The following PIK3C2G variants were observed in gnomAD, a reference collection of about 807,000 sequenced individuals.
PIK3C2G encodes the protein phosphatidylinositol-4-phosphate 3-kinase catalytic subunit type 2 gamma, also known as phosphatidylinositol 3-kinase C2 domain-containing subunit gamma.
A neutral mutation model predicts 181.1 loss-of-function variants in PIK3C2G; 168 were observed. The observed-to-expected ratio is 0.93, with a 90% CI of 0.82 to 1.05. The LOEUF is 1.05. Ranked by LOEUF, PIK3C2G falls within the 50% of genes least tolerant of loss-of-function variation. PIK3C2G has a pLI of 0.00. For synonymous variants in PIK3C2G, 573 were observed against 592.2 expected, an observed-to-expected ratio of 0.97 and a Z score of 0.47; for missense variants, 1,869 against 1,732.8, an observed-to-expected ratio of 1.08 and a Z score of -1.40.
rs183245589 is a variant in PIK3C2G, at chr12:18,282,217, G to A, written c.136G>A (p.Glu46Lys). ...VSLGFDQIVDEISGKIPHYES... is the reference protein window; with the variant it reads ...VSLGFDQIVDKISGKIPHYES... ...TCTGGGTTTTGATCAGATAGTAGAT[G>A]AGATCAGTGGCAAAATTCCACACTA... is the stretch of plus-strand genomic sequence containing the variant. Residue 46 changes from glutamate (E) to lysine (K), a missense_variant, in exon 2 of 33, where the codon GAG (glutamate) becomes AAG (lysine). Coordinates refer to ENST00000538779, the MANE Select transcript of PIK3C2G (RefSeq NM_001288772.2). 5.9e-4 allele frequency: 949 copies of A among 1,613,496 alleles called. 1 individual carries two copies. The highest frequency in any genetic ancestry group is 7.8e-4 in the Non-Finnish European group (923 of 1,179,666).
intron 25 of PIK3C2G, among the ~76,000 whole-genome samples, chr12:18,540,802 T>G (rs531867842): frequency 8.6e-5 from 13 of 151,918 alleles, no homozygotes; most frequent in Admixed American, 7.2e-4. Context: ...GAAATTGAAA[T>G]AGAGATCAGA....
chr12:18,623,463 G>A (rs1948955471), intron 31 of PIK3C2G, among the ~76,000 whole-genome samples: 1 of 151,796 alleles, frequency 6.6e-6, no homozygotes, highest in Non-Finnish European at 1.5e-5. Flanking sequence ...TTGAAATCAG[G>A]TAGTATGATG....
At chr12:18,284,587 GGTT>G in intron 2 of PIK3C2G, among the ~76,000 whole-genome samples, 1 of 152,076 alleles carries the variant, frequency 6.6e-6, no homozygotes, top group Non-Finnish European at 1.5e-5. Flanking sequence ...ACTTTAAATT[GGTT>G]ATTAAAAGTA....
intron 18 of PIK3C2G, among the ~76,000 whole-genome samples, chr12:18,440,058 A>G (rs1946658147): frequency 1.3e-5 from 2 of 152,090 alleles, no homozygotes; most frequent in South Asian, 4.1e-4. Context: ...TTTAAGCAAG[A>G]TACTTAATTT....
the PIK3C2G span, among the ~76,000 whole-genome samples, chr12:18,673,108 A>G: frequency 0.015 from 2,219 of 152,312 alleles, 58 homozygotes; most frequent in African/African-American, 0.052. Context: ...TCTAAAAATT[A>G]GTTCCAAAAG....
At chr12:18,352,939 C>G (rs1350176274) in intron 11 of PIK3C2G, among the ~76,000 whole-genome samples, 1 of 152,198 alleles carries the variant, frequency 6.6e-6, no homozygotes, top group Non-Finnish European at 1.5e-5. Context: ...TGCCACCCCT[C>G]TGCCAGTGGA....
At chr12:18,455,859 CACAA>C (rs751190121) in intron 18 of PIK3C2G, among the ~76,000 whole-genome samples, 1 of 152,156 alleles carries the variant, frequency 6.6e-6, no homozygotes, top group Non-Finnish European at 1.5e-5. Context: ...TTTGGAGGAA[CACAA>C]ACATTCAGTT....
chr12:18,664,808 C>T, the PIK3C2G span, among the ~76,000 whole-genome samples: 2 of 151,216 alleles, frequency 1.3e-5, no homozygotes, highest in Non-Finnish European at 2.9e-5. Context: ...ACATATACAC[C>T]ATGGAATACT....
rs763495866 is a variant in PIK3C2G, at chr12:18,293,962, A to G, written c.981A>G (p.Leu327=). 1 of 1,601,750 alleles carries G rather than the reference A, an allele frequency of 6.2e-7. No individual in the cohort carries two copies. The highest frequency in any genetic ancestry group is 2.2e-5 in the East Asian group (1 of 44,696). ...TGCATTTTTGCACAAATGACCAGCT[A>G]CTCCCCAAAGATCATATTCTAAGTG... ...EILHFCTNDQ[L]LPKDHILSVC... The change falls in exon 5 of 33, where the codon CTA becomes CTG. Residue 327 remains leucine, a synonymous_variant. Transcript: ENST00000538779.
At chr12:18,452,879 T>C (rs755841240) in intron 18 of PIK3C2G, among the ~76,000 whole-genome samples, 3 of 152,116 alleles carry the variant, frequency 2.0e-5, no homozygotes, top group African/African-American at 4.8e-5. Context: ...CCAGTTTTGA[T>C]TGAATTTCTT....
chr12:18,551,621 C>T (rs533123850), intron 26 of PIK3C2G, among the ~76,000 whole-genome samples: 186 of 152,224 alleles, frequency 1.2e-3, no homozygotes, highest in Non-Finnish European at 1.8e-3. Flanking sequence ...CAAAACCCCA[C>T]ACTTCAAAAA....
At chr12:18,669,902 C>A in the PIK3C2G span, among the ~76,000 whole-genome samples, 1 of 152,212 alleles carries the variant, frequency 6.6e-6, no homozygotes, top group East Asian at 1.9e-4. Flanking sequence ...AACTCCTGAC[C>A]TTGTGATCCG....
At chr12:18,318,928 A>G (rs1249684345) in intron 6 of PIK3C2G, among the ~76,000 whole-genome samples, 1 of 151,798 alleles carries the variant, frequency 6.6e-6, no homozygotes, top group Non-Finnish European at 1.5e-5. Context: ...AACCCCATCT[A>G]TACAAAAATA....
In PIK3C2G at chr12:18,589,800, A is replaced by G. The variant is rs927720882; in HGVS notation, c.4012-4694A>G. Among the ~76,000 whole-genome samples, 24 of 151,976 alleles carry G rather than the reference A, an allele frequency of 1.6e-4. No homozygotes were observed. In the East Asian group the frequency reaches 4.2e-3, roughly 27 times the overall value. On this transcript the variant is annotated intron_variant, in intron 29 of 32. Transcript: ENST00000538779. The stretch of plus-strand genomic sequence containing the variant: ...CTAATTGCTGTCTTTTCTTTTTTCC[A>G]CAATGCTCCATTTTCATCTTTCTTA...
chr12:18,676,040 A>C, the PIK3C2G span, among the ~76,000 whole-genome samples: 1 of 152,156 alleles, frequency 6.6e-6, no homozygotes, highest in Admixed American at 6.6e-5. Context: ...GAAAGGAAAA[A>C]AAATTATACC....
chr12:18,538,412 T>C, intron 25 of PIK3C2G, 100 bp downstream of exon 25: 1 of 960,982 alleles, frequency 1.0e-6, no homozygotes, highest in Non-Finnish European at 1.5e-6. Context: ...CCCAAGGAGC[T>C]ATTCGGAAGA....
chr12:18,362,318 T>A (rs947191921), intron 11 of PIK3C2G, among the ~76,000 whole-genome samples: 5 of 152,098 alleles, frequency 3.3e-5, no homozygotes, highest in Non-Finnish European at 7.4e-5. Context: ...AGGTGCTAAG[T>A]CTAAGTGTTA....
At chr12:18,609,179 G>A (rs12809738) in intron 30 of PIK3C2G, among the ~76,000 whole-genome samples, 23,864 of 151,942 alleles carry the variant, frequency 0.16, 1,898 homozygotes, top group African/African-American at 0.19. Flanking sequence ...ATTTCTAAAG[G>A]CCACACTTTT....
intron 18 of PIK3C2G, among the ~76,000 whole-genome samples, chr12:18,476,513 C>T (rs529774340): frequency 5.3e-5 from 8 of 151,878 alleles, no homozygotes; most frequent in South Asian, 2.1e-4. Flanking sequence ...GAAGAGAGGG[C>T]GGGAAAAAAT....
Sources: allele counts gnomAD v4.1 joint callset (sites outside exome capture counted in the v4.1 genomes callset), GRCh38; gene constraint gnomAD v4.1.1; transcripts MANE v1.5; gene names NCBI Gene and HGNC (gene_info 2026-07-23, HGNC 2026-07-21).